LRRTM3: variants seen among roughly 807,000 people sequenced by gnomAD.
LRRTM3 encodes the protein leucine rich repeat transmembrane neuronal 3.
Under a neutral mutation model 44.7 loss-of-function variants are expected in LRRTM3, and 24 were observed. The ratio of observed to expected loss-of-function variants is 0.54; its 90% CI spans 0.39 to 0.76. LRRTM3 has a LOEUF of 0.76. Among genes scored for constraint, LRRTM3 ranks in the 30% least tolerant of loss-of-function variants. LRRTM3 has a pLI of 0.00. For missense variants in LRRTM3, 587 were observed against 702.2 expected, an observed-to-expected ratio of 0.84 and a Z score of 1.85; for synonymous variants, 277 against 278.7, an observed-to-expected ratio of 0.99 and a Z score of 0.06.
intron 2 of LRRTM3, among the ~76,000 whole-genome samples, chr10:67,073,068 C>G (rs1856553361): frequency 1.3e-5 from 2 of 152,202 alleles, no homozygotes; most frequent in Admixed American, 1.3e-4. Flanking sequence ...TCAGACCACA[C>G]TCAGAATAAG....
chr10:67,054,860 C>A (rs528571013), intron 2 of LRRTM3: 76 of 149,046 alleles, frequency 5.1e-4, no homozygotes, highest in African/African-American at 1.8e-3. Context: ...TCCAACACTT[C>A]CCAAGAGATC....
At chr10:67,046,189 T>C (rs1176782211) in intron 2 of LRRTM3, among the ~76,000 whole-genome samples, 2 of 152,178 alleles carry the variant, frequency 1.3e-5, no homozygotes, top group Admixed American at 1.3e-4. Flanking sequence ...AATTATAACA[T>C]AGTTAATGGG....
chr10:66,943,009 C>G (rs942032155), intron 2 of LRRTM3, among the ~76,000 whole-genome samples: 1 of 152,142 alleles, frequency 6.6e-6, no homozygotes, highest in Non-Finnish European at 1.5e-5. Flanking sequence ...AACAAAATAG[C>G]TTCTCAGGGC....
chr10:66,930,351 C>T (rs1344421079), intron 2 of LRRTM3, among the ~76,000 whole-genome samples: 2 of 152,188 alleles, frequency 1.3e-5, no homozygotes, highest in Admixed American at 1.3e-4. Context: ...AATGCAGATA[C>T]TTCCTCACAG....
rs529516400 is a variant in LRRTM3 at position 66,950,843 on chromosome 10, A to G, written c.1536+22391A>G. Among the ~76,000 whole-genome samples the G allele has an allele frequency of 1.6e-4, 24 of 152,292 alleles. No individual in the cohort carries two copies. The South Asian group carries it at 2.1e-3, about 13-fold the overall frequency. On this transcript the variant is annotated intron_variant, in intron 2 of 2. Coordinates refer to ENST00000361320, the MANE Select transcript of LRRTM3 (RefSeq NM_178011.5). ...GAGAGAGATTTTAGAGGCTTCGCAC[A>G]GTGCAGGGAGTTTGGTCTTAACCCA...
Position 66,958,308 on chromosome 10 carries a change from CAAAAAAA to C in LRRTM3, c.1536+29876_1536+29882del, listed in dbSNP as rs35076056. Among the ~76,000 whole-genome samples, 359 of 86,932 alleles carry C rather than the reference CAAAAAAA, an allele frequency of 4.1e-3. 10 individuals are homozygous for C. The East Asian group carries it at 0.062, about 15-fold the overall frequency. The allele number at this position is 86,932 out of a possible 152,430, so 57.0% of individuals were successfully genotyped here. A position where few individuals can be genotyped will look rare whatever the true frequency, so the allele number is the denominator to read the frequency against. ...TTTTTTTCCTCCACCTGCTTTCTTGCAAAAAAAAAAAAAAAAAAAAAAAAAATGCCTG... is the reference window on the plus strand; with the variant it reads ...TTTTTTTCCTCCACCTGCTTTCTTGCAAAAAAAAAAAAAAAAAAATGCCTG... On this transcript the variant is annotated intron_variant, in intron 2 of 2. Coordinates refer to ENST00000361320, the MANE Select transcript of LRRTM3 (RefSeq NM_178011.5).
chr10:66,964,516 C>T (rs1849296745), intron 2 of LRRTM3, among the ~76,000 whole-genome samples: 1 of 152,132 alleles, frequency 6.6e-6, no homozygotes, highest in Admixed American at 6.5e-5. Context: ...ATTCCTATTT[C>T]CTAAGGAATG....
chr10:67,065,468 T>G (rs1422922669), intron 2 of LRRTM3, among the ~76,000 whole-genome samples: 3 of 152,156 alleles, frequency 2.0e-5, no homozygotes, highest in South Asian at 4.1e-4. Context: ...AAATAAATAT[T>G]GAAAAGTATT....
intron 2 of LRRTM3, among the ~76,000 whole-genome samples, chr10:67,056,345 A>C (rs1268335279): frequency 6.6e-6 from 1 of 152,166 alleles, no homozygotes; most frequent in Non-Finnish European, 1.5e-5. Flanking sequence ...ACTTCTATGC[A>C]TAATTGGTCA....
At chr10:67,015,740 A>G (rs1213793661) in intron 2 of LRRTM3, among the ~76,000 whole-genome samples, 1 of 151,634 alleles carries the variant, frequency 6.6e-6, no homozygotes, top group Non-Finnish European at 1.5e-5. Flanking sequence ...TTATTGATTC[A>G]TTTTTTTCTG....
chr10:66,961,466 T>C (rs1849105078), intron 2 of LRRTM3, among the ~76,000 whole-genome samples: 1 of 152,206 alleles, frequency 6.6e-6, no homozygotes, highest in Non-Finnish European at 1.5e-5. Flanking sequence ...CACTCACTGG[T>C]GATTTTCTTC....
intron 2 of LRRTM3, among the ~76,000 whole-genome samples, chr10:66,952,643 T>C (rs1209260567): frequency 6.6e-6 from 1 of 152,110 alleles, no homozygotes; most frequent in Non-Finnish European, 1.5e-5. Context: ...AATTCTAAGT[T>C]GACATTGTCA....
At chr10:67,025,365 T>C (rs1853307618) in intron 2 of LRRTM3, among the ~76,000 whole-genome samples, 2 of 151,618 alleles carry the variant, frequency 1.3e-5, no homozygotes, top group Admixed American at 1.3e-4. Flanking sequence ...ACTAAAAACA[T>C]GGTTTTGTAA....
chr10:66,977,768 T>C (rs1241988245), intron 2 of LRRTM3, among the ~76,000 whole-genome samples: 6 of 152,166 alleles, frequency 3.9e-5, no homozygotes, highest in African/African-American at 1.4e-4. Context: ...CTTTTCTGAG[T>C]TGGGTGGATA....
intron 2 of LRRTM3, among the ~76,000 whole-genome samples, chr10:67,072,527 G>A (rs928058903): frequency 2.6e-5 from 4 of 152,104 alleles, no homozygotes; most frequent in Admixed American, 2.0e-4. Context: ...TCTCACTTTC[G>A]ATATTAAGCA....
At position 66,977,274 on chromosome 10, in the gene LRRTM3, T is replaced by C. The variant is rs376288096; in HGVS notation, c.1536+48822T>C. The stretch of plus-strand genomic sequence containing the variant: ...CAACATGGTGAAACCCCGTCTCTAC[T>C]AAAAACAAAAAATTAGCTGGGTGTG... On this transcript the variant is annotated intron_variant, in intron 2 of 2. Transcript: ENST00000361320. Among the ~76,000 whole-genome samples, 5 of 151,890 alleles carry C rather than the reference T, an allele frequency of 3.3e-5. No individual in the cohort carries two copies. The East Asian group carries it at 7.7e-4, about 23-fold the overall frequency.
intron 2 of LRRTM3, among the ~76,000 whole-genome samples, chr10:67,035,006 T>C (rs1853957737): frequency 6.6e-6 from 1 of 152,222 alleles, no homozygotes; most frequent in Non-Finnish European, 1.5e-5. Context: ...AAATCACTTA[T>C]TTCAAGAAGC....
chr10:67,064,200 T>C (rs545056427), intron 2 of LRRTM3, among the ~76,000 whole-genome samples: 48 of 152,286 alleles, frequency 3.2e-4, no homozygotes, highest in African/African-American at 1.1e-3. Context: ...ATTTGAATTG[T>C]TAAAATTCCA....
Position 66,927,857 on chromosome 10 carries a change from G to T in LRRTM3, c.941G>T (p.Trp314Leu). 1 of 1,614,206 alleles carries T rather than the reference G, an allele frequency of 6.2e-7. No individual in the cohort carries two copies. The highest frequency in any genetic ancestry group is 8.5e-7 in the Non-Finnish European group (1 of 1,180,034). Reference protein sequence around the residue: ...LNDISLAGNIWECSRNICSLV... With the variant: ...LNDISLAGNILECSRNICSLV... Reference sequence around the variant, plus strand: ...GACATCAGTCTTGCTGGGAATATATGGGAATGCAGCAGAAATATTTGCTCC... The same window carrying T: ...GACATCAGTCTTGCTGGGAATATATTGGAATGCAGCAGAAATATTTGCTCC... The change falls in exon 2 of 3, where the codon TGG becomes TTG. Residue 314 changes from tryptophan (W) to leucine (L), a missense_variant. Physicochemically the swap from Trp to Leu is moderately conservative, Grantham distance 61 (BLOSUM62 -2). Coordinates refer to ENST00000361320, the MANE Select transcript of LRRTM3 (RefSeq NM_178011.5). The surrounding 1 kb of genome is among the most constrained non-coding windows in gnomAD (Gnocchi z 4.7).
Sources: gnomAD v4.1 joint callset for allele counts (sites outside exome capture counted in the v4.1 genomes callset) on GRCh38, gnomAD v4.1.1 for gene constraint, Gnocchi (gnomAD v3.1) non-coding constraint, MANE v1.5 for transcripts, NCBI Gene and HGNC (gene_info 2026-07-23, HGNC 2026-07-21) for gene names.